TLDC2: variants seen among roughly 807,000 people sequenced by gnomAD.
The protein encoded by TLDC2 is TLD domain-containing protein 2.
TLDC2 carries 23 observed loss-of-function variants against 27.9 expected under a neutral mutation model. That is an observed-to-expected ratio of 0.82 (90% CI 0.59 to 1.17). The LOEUF (loss-of-function observed/expected upper bound fraction) is 1.17, where lower values mean the gene tolerates loss of function less well. Among genes scored for constraint, TLDC2 ranks in the 50% most tolerant of loss-of-function variants. The pLI is 0.00. For synonymous variants in TLDC2, 124 were observed against 107.4 expected (o/e 1.16, Z -0.96); for missense variants, 286 against 273.4 (o/e 1.05, Z -0.32).
intron 6 of TLDC2, chr20:36,890,409 T>TCTTTCTTTCTTTCTTTC (rs1568754701): frequency 6.7e-6 from 1 of 149,880 alleles, no homozygotes; most frequent in Non-Finnish European, 1.5e-5. Context: ...TTTCTTTCTT[T>TCTTTCTTTCTTTCTTTC]CTTTCTTTCT....
At position 36,893,211 on chromosome 20, in the gene TLDC2, A is replaced by G; in HGVS notation, c.*367A>G. On this transcript the variant is annotated 3_prime_UTR_variant, in exon 7 of 7. Coordinates refer to ENST00000217320, the MANE Select transcript of TLDC2 (RefSeq NM_080628.3). ...CCTCAATCCAGGGAAACTCCAAATT[A>G]CATATGCCCTGTGCTTGGGGCAAAT... 1.0e-6 allele frequency: 1 copy of G among 983,096 alleles called. No individual in the cohort carries two copies. The highest frequency in any genetic ancestry group is 1.5e-6 in the Non-Finnish European group (1 of 646,922). 60.9% of individuals were successfully genotyped at this position (983,096 alleles called of 1,614,324 possible).
At chr20:36,879,309 T>A (rs969733201) in intron 3 of TLDC2, 116 bp downstream of exon 3, 2 of 1,318,906 alleles carry the variant, frequency 1.5e-6, no homozygotes, top group Non-Finnish European at 2.0e-6. Flanking sequence ...AAGTCACCTA[T>A]AATGGACACT....
rs193183796 is a variant in TLDC2 at position 36,877,123 on chromosome 20, C to T, written c.34-776C>T. On this transcript the variant is annotated intron_variant, in intron 1 of 6. Coordinates refer to ENST00000217320, the MANE Select transcript of TLDC2 (RefSeq NM_080628.3). The stretch of plus-strand genomic sequence containing the variant: ...ACAGAAGGCCAGGCGCGGTGGCTCA[C>T]GCCTGTAATCCCAGCACTTTGGGAG... Among the ~76,000 whole-genome samples the T allele has an allele frequency of 8.1e-3, 1,231 of 152,182 alleles. 7 individuals carry two copies. Among genetic ancestry groups the T allele is most frequent in the Middle Eastern group, 0.014 (4 of 294 alleles).
chr20:36,886,427 T>C (rs1322722854), intron 4 of TLDC2, among the ~76,000 whole-genome samples: 3 of 152,140 alleles, frequency 2.0e-5, no homozygotes, highest in African/African-American at 7.2e-5. Context: ...AACCTGTTTC[T>C]ACTAAAATAC....
At chr20:36,890,338 T>C (rs1246321379) in intron 6 of TLDC2, 1 of 151,610 alleles carries the variant, frequency 6.6e-6, no homozygotes, top group Non-Finnish European at 1.5e-5. Context: ...TCAGTAACTC[T>C]CTAGAGGCTA....
chr20:36,887,091 G>A (rs1989936533), intron 4 of TLDC2, among the ~76,000 whole-genome samples: 1 of 152,122 alleles, frequency 6.6e-6, no homozygotes, highest in Non-Finnish European at 1.5e-5. Context: ...CTGAAGAGCA[G>A]GCGGGCTGGT....
At chr20:36,879,423 A>G (rs1989752240) in intron 3 of TLDC2, among the ~76,000 whole-genome samples, 1 of 152,226 alleles carries the variant, frequency 6.6e-6, no homozygotes, top group African/African-American at 2.4e-5. Flanking sequence ...GGTGGGATAG[A>G]GCAGAATCAA....
rs181056888 is a variant in TLDC2 at position 36,886,158 on chromosome 20, T to A, written c.439-1297T>A. Among the ~76,000 whole-genome samples the A allele has an allele frequency of 4.3e-4, 65 of 152,348 alleles. 1 individual carries two copies. The East Asian group carries it at 0.012, about 29-fold the overall frequency. Reference sequence around the variant, plus strand: ...TTTGTTGTTTTTTAGAGTTGGGGTCTTGCGCTGTTATCCACGCTAGAGTGC... The same window carrying A: ...TTTGTTGTTTTTTAGAGTTGGGGTCATGCGCTGTTATCCACGCTAGAGTGC... On this transcript the variant is annotated intron_variant, in intron 4 of 6. Transcript: ENST00000217320.
intron 4 of TLDC2, among the ~76,000 whole-genome samples, chr20:36,886,259 C>T (rs1305642189): frequency 1.3e-5 from 2 of 152,136 alleles, no homozygotes; most frequent in Non-Finnish European, 2.9e-5. Context: ...TCCCCAGTAG[C>T]TGGGACTATA....
rs1990134696 is a variant in TLDC2 at position 36,893,627 on chromosome 20, C to G, written c.*783C>G. 1 of 363,918 alleles carries G rather than the reference C, an allele frequency of 2.7e-6. No individual in the cohort carries two copies. Among genetic ancestry groups the G allele is most frequent in the Non-Finnish European group, 4.9e-6 (1 of 204,812 alleles). 22.5% of individuals were successfully genotyped at this position (363,918 alleles called of 1,614,324 possible). A position where few individuals can be genotyped will look rare whatever the true frequency, so the allele number is the denominator to read the frequency against. On this transcript the variant is annotated 3_prime_UTR_variant, in exon 7 of 7. Transcript: ENST00000217320. ...AGGGAGGCGATACAATGACGTGAAA[C>G]CATAGAGGTAAGAAGCAAGGCCTCC... is the stretch of plus-strand genomic sequence containing the variant.
At chr20:36,876,440 C>T (rs1326230870) in intron 1 of TLDC2, among the ~76,000 whole-genome samples, 4 of 152,206 alleles carry the variant, frequency 2.6e-5, no homozygotes, top group Admixed American at 6.5e-5. Flanking sequence ...TCCCTTCCTC[C>T]CTGGAGTGGG....
At chr20:36,887,552 T>A in intron 5 of TLDC2, 24 bp downstream of exon 5, 1 of 1,608,860 alleles carries the variant, frequency 6.2e-7, no homozygotes, top group Non-Finnish European at 8.5e-7. Flanking sequence ...TCTTCCCGAG[T>A]CTTGGGGCGG....
intron 6 of TLDC2, 67 bp downstream of exon 6, chr20:36,889,470 C>A: frequency 6.5e-7 from 1 of 1,527,262 alleles, no homozygotes; most frequent in Non-Finnish European, 8.8e-7. Context: ...CTGTTTGAAA[C>A]ACAGATGGTG....
At chr20:36,877,155 T>G (rs1431293823) in intron 1 of TLDC2, among the ~76,000 whole-genome samples, 4 of 151,542 alleles carry the variant, frequency 2.6e-5, no homozygotes, top group African/African-American at 7.3e-5. Flanking sequence ...GGAGGCCAGG[T>G]GGATCATCTG....
chr20:36,880,709 A>G lies in TLDC2; in HGVS notation c.397A>G (p.Thr133Ala). 6.2e-7 allele frequency: 1 copy of G among 1,614,220 alleles called. No homozygotes were observed. The highest frequency in any genetic ancestry group is 8.5e-7 in the Non-Finnish European group (1 of 1,180,042). ...AIRLSKGFYG[T>A]GETFLFSFSP... Reference sequence around the variant, plus strand: ...CCGACTCAGCAAAGGCTTCTATGGTACTGGCGAGACATTCCTCTTCTCCTT... The same window carrying G: ...CCGACTCAGCAAAGGCTTCTATGGTGCTGGCGAGACATTCCTCTTCTCCTT... The change falls in exon 4 of 7, where the codon ACT becomes GCT. Residue 133 changes from threonine to alanine, a missense_variant. Coordinates refer to ENST00000217320, the MANE Select transcript of TLDC2 (RefSeq NM_080628.3).
chr20:36,884,178 A>G (rs1442471137), intron 4 of TLDC2, among the ~76,000 whole-genome samples: 1 of 152,176 alleles, frequency 6.6e-6, no homozygotes, highest in Non-Finnish European at 1.5e-5. Context: ...TTTCACTTGG[A>G]GAAGAGCCAA....
chr20:36,892,580 C>A, intron 6 of TLDC2: 1 of 314,942 alleles, frequency 3.2e-6, no homozygotes, highest in Non-Finnish European at 6.1e-6. Context: ...CGCTTGAGCC[C>A]AGGAAAGTTC....
chr20:36,891,324 A>G (rs1473745102), intron 6 of TLDC2: 1 of 152,346 alleles, frequency 6.6e-6, no homozygotes, highest in Admixed American at 6.5e-5. Flanking sequence ...GTGGCCAGTG[A>G]TGGACTGCTG....
chr20:36,881,558 C>G (rs1989816806), intron 4 of TLDC2, among the ~76,000 whole-genome samples: 1 of 152,204 alleles, frequency 6.6e-6, no homozygotes, highest in Non-Finnish European at 1.5e-5. Context: ...GACGCCGCCA[C>G]TTCAGTGCAT....
Sources: allele counts gnomAD v4.1 joint callset (sites outside exome capture counted in the v4.1 genomes callset), GRCh38; gene constraint gnomAD v4.1.1; transcripts MANE v1.5; gene names NCBI Gene and HGNC (gene_info 2026-07-23, HGNC 2026-07-21).